Variants in BFAR observed in about 807,000 individuals in gnomAD.
BFAR encodes the protein bifunctional apoptosis regulator, also known as RING finger protein 47.
A neutral mutation model predicts 54.4 loss-of-function variants in BFAR; 52 were observed. The observed-to-expected ratio is 0.96, with a 90% CI of 0.77 to 1.21. The LOEUF (loss-of-function observed/expected upper bound fraction) is 1.21, where lower values mean the gene tolerates loss of function less well. Among genes scored for constraint, BFAR ranks in the 50% most tolerant of loss-of-function variants. The pLI is 0.00. For missense variants in BFAR, 571 were observed against 534.0 expected (o/e 1.07, Z -0.68); for synonymous variants, 215 against 204.3 (o/e 1.05, Z -0.45).
intron 1 of BFAR, among the ~76,000 whole-genome samples, chr16:14,637,063 A>G (rs1433684274): frequency 1.3e-5 from 2 of 152,120 alleles, no homozygotes; most frequent in Non-Finnish European, 2.9e-5. Context: ...ATCTCTTTCT[A>G]TACAGACACA....
intron 7 of BFAR, chr16:14,667,337 G>A (rs1960469338): frequency 2.5e-6 from 1 of 393,120 alleles, no homozygotes; most frequent in African/African-American, 2.0e-5. Flanking sequence ...ATGAGACCCT[G>A]TCTCAAAAGG....
chr16:14,644,548 A>T lies in BFAR; in HGVS notation c.202A>T (p.Thr68Ser). The T allele has an allele frequency of 1.9e-6, 3 of 1,614,122 alleles. No homozygotes were observed. Among genetic ancestry groups the T allele is most frequent in the Non-Finnish European group, 2.5e-6 (3 of 1,179,990 alleles). The change falls in exon 2 of 8, where the codon ACA (threonine) becomes TCA (serine). Residue 68 changes from threonine (T) to serine (S), a missense_variant. Coordinates refer to ENST00000261658, the MANE Select transcript of BFAR (RefSeq NM_016561.3). ...TTTATGGTGGGCATCTTCAAAGAAA[A>T]CAGAATGTCCAGAATGCAGAGAAAA... ...LALWWASSKK[T>S]ECPECREKWE...
Position 14,633,036 on chromosome 16 carries a change from T to TG in BFAR, c.-74+24dup. On this transcript the variant is annotated intron_variant, in intron 1 of 7. Transcript: ENST00000261658. ...GTGGAATGGTAAGCCGCGACACGGCTGGGGGGTGCTGAGGGGGCGACTCGG... is the reference window on the plus strand; with the variant it reads ...GTGGAATGGTAAGCCGCGACACGGCTGGGGGGGTGCTGAGGGGGCGACTCGG... 6.5e-6 allele frequency: 1 copy of TG among 152,762 alleles called. No homozygotes were observed. 9.5% of individuals were successfully genotyped at this position (152,762 alleles called of 1,614,324 possible). A position where few individuals can be genotyped will look rare whatever the true frequency, so the allele number is the denominator to read the frequency against.
At chr16:14,646,128 C>T (rs1959787810) in intron 2 of BFAR, among the ~76,000 whole-genome samples, 1 of 151,950 alleles carries the variant, frequency 6.6e-6, no homozygotes. Context: ...CTCGACTTAC[C>T]ACAACCTCTC....
In BFAR at chr16:14,655,218, CTTTAA is replaced by C. The variant is rs1960093796; in HGVS notation, c.783+12_783+16del. 1 of 1,322,920 alleles carries C rather than the reference CTTTAA, an allele frequency of 7.6e-7. No homozygotes were observed. Among genetic ancestry groups the C allele is most frequent in the African/African-American group, 1.6e-5 (1 of 62,912 alleles). 81.9% of individuals were successfully genotyped at this position (1,322,920 alleles called of 1,614,324 possible). A position where few individuals can be genotyped will look rare whatever the true frequency, so the allele number is the denominator to read the frequency against. Reference sequence around the variant, plus strand: ...AATCTCTGGGAATATAAGGTGAACACTTTAATTTTTTTTTTTTTTTTTTACTTTTT... The same window carrying C: ...AATCTCTGGGAATATAAGGTGAACACTTTTTTTTTTTTTTTTTTACTTTTT... On this transcript the variant is annotated intron_variant, in intron 5 of 7. Transcript: ENST00000261658.
chr16:14,637,600 C>G (rs1373139394), intron 1 of BFAR, among the ~76,000 whole-genome samples: 1 of 152,188 alleles, frequency 6.6e-6, no homozygotes, highest in Non-Finnish European at 1.5e-5. Context: ...CTTTGAGAGG[C>G]CACGGCAGGC....
At chr16:14,658,610 G>T (rs1185895822) in intron 5 of BFAR, among the ~76,000 whole-genome samples, 1 of 151,942 alleles carries the variant, frequency 6.6e-6, no homozygotes, top group Non-Finnish European at 1.5e-5. Flanking sequence ...GTGGGCGCCT[G>T]TAGTCCCAGC....
intron 2 of BFAR, among the ~76,000 whole-genome samples, chr16:14,646,962 C>A (rs1027214816): frequency 6.6e-6 from 1 of 151,434 alleles, no homozygotes; most frequent in East Asian, 2.0e-4. Flanking sequence ...TTTTTAGTAG[C>A]GATCAGGTCT....
At chr16:14,651,163 G>C (rs1959956426) in intron 4 of BFAR, among the ~76,000 whole-genome samples, 1 of 152,148 alleles carries the variant, frequency 6.6e-6, no homozygotes. Flanking sequence ...CTGTCCCCAA[G>C]ACTGCCCCTG....
intron 1 of BFAR, among the ~76,000 whole-genome samples, chr16:14,635,503 T>TG (rs2151833731): frequency 6.6e-6 from 1 of 152,194 alleles, no homozygotes; most frequent in East Asian, 1.9e-4. Context: ...GGATAGGTCC[T>TG]TGCATATATG....
intron 5 of BFAR, among the ~76,000 whole-genome samples, chr16:14,657,984 T>C (rs1380511659): frequency 6.6e-6 from 1 of 152,190 alleles, no homozygotes; most frequent in Admixed American, 6.5e-5. Context: ...ACCTCCCAAG[T>C]AGCTGGGGCT....
intron 2 of BFAR, among the ~76,000 whole-genome samples, chr16:14,644,873 G>C (rs1278945797): frequency 6.6e-6 from 1 of 152,098 alleles, no homozygotes. Flanking sequence ...CACCTCCTTG[G>C]GGGTGGATCT....
chr16:14,667,607 G>T (rs192498132), intron 7 of BFAR, 28 bp from the exon 8 acceptor site: 1 of 1,600,360 alleles, frequency 6.2e-7, no homozygotes. Context: ...AAGCGCCTCC[G>T]ATTCAGCCTC....
chr16:14,667,859 C>T lies in BFAR; in HGVS notation c.*32C>T. 2 of 1,594,222 alleles carry T rather than the reference C, an allele frequency of 1.3e-6. No individual in the cohort carries two copies. The highest frequency in any genetic ancestry group is 1.7e-6 in the Non-Finnish European group (2 of 1,163,168). ...CTGCCCAGGCTGAGACTCTTCAAGTCCCGCTGACGTCTGAGCTTTGATGCT... is the reference window on the plus strand; with the variant it reads ...CTGCCCAGGCTGAGACTCTTCAAGTTCCGCTGACGTCTGAGCTTTGATGCT... On this transcript the variant is annotated 3_prime_UTR_variant, in exon 8 of 8. Transcript: ENST00000261658.
chr16:14,634,544 C>CA (rs1379318647), intron 1 of BFAR, among the ~76,000 whole-genome samples: 1 of 152,182 alleles, frequency 6.6e-6, no homozygotes, highest in Non-Finnish European at 1.5e-5. Context: ...AACCTCACAG[C>CA]AGGGCGGGGC....
In BFAR at chr16:14,648,384, A is replaced by G; in HGVS notation, c.264-4A>G. ...TCTTAATTTTTTTTTTCTATTCTCC[A>G]TAGGGATGCCATTGAAAAGTTATTT... On this transcript the variant is annotated splice_region_variant and splice_polypyrimidine_tract_variant and intron_variant, in intron 2 of 7. Transcript: ENST00000261658. 1 of 1,607,220 alleles carries G rather than the reference A, an allele frequency of 6.2e-7. No homozygotes were observed. The highest frequency in any genetic ancestry group is 8.5e-7 in the Non-Finnish European group (1 of 1,174,570).
chr16:14,651,963 T>C (rs945451202), intron 4 of BFAR, among the ~76,000 whole-genome samples: 33 of 148,234 alleles, frequency 2.2e-4, no homozygotes, highest in Non-Finnish European at 2.5e-4. Flanking sequence ...CCTGGCTCAC[T>C]GCAACCTCCG....
intron 1 of BFAR, among the ~76,000 whole-genome samples, chr16:14,642,442 ACTT>A (rs1319147759): frequency 6.6e-6 from 1 of 152,132 alleles, no homozygotes; most frequent in African/African-American, 2.4e-5. Flanking sequence ...GTGTCATACT[ACTT>A]CTCAATTTAA....
intron 1 of BFAR, among the ~76,000 whole-genome samples, chr16:14,634,571 G>A (rs1959374324): frequency 6.6e-6 from 1 of 152,214 alleles, no homozygotes; most frequent in African/African-American, 2.4e-5. Context: ...GCTCACGCCT[G>A]TAATCCCAGC....
Sources: allele counts gnomAD v4.1 joint callset (sites outside exome capture counted in the v4.1 genomes callset), GRCh38; gene constraint gnomAD v4.1.1; transcripts MANE v1.5; gene names NCBI Gene and HGNC (gene_info 2026-07-23, HGNC 2026-07-21).